DNAH14: variants seen among roughly 807,000 people sequenced by gnomAD.
DNAH14 encodes dynein axonemal heavy chain 14, also known as axonemal beta dynein heavy chain 14.
DNAH14 carries 478 observed loss-of-function variants against 520.9 expected under a neutral mutation model. The ratio of observed to expected loss-of-function variants is 0.92; its 90% CI spans 0.85 to 0.99. DNAH14 has a LOEUF of 0.99. Ranked by LOEUF, DNAH14 falls within the 50% of genes least tolerant of loss-of-function variation. The probability of loss-of-function intolerance (pLI) is 0.00; values close to 1 mark genes in which losing one functional copy is unlikely to be tolerated. For synonymous variants in DNAH14, 1,581 were observed against 1,757.2 expected (o/e 0.90, Z 2.51); for missense variants, 4,831 against 5,234.5 (o/e 0.92, Z 2.38).
intron 26 of DNAH14, among the ~76,000 whole-genome samples, chr1:225,122,726 T>G (rs1290061511): frequency 1.3e-5 from 2 of 152,222 alleles, no homozygotes. Flanking sequence ...ACACTGATAC[T>G]GCTTTGAAAT....
intron 8 of DNAH14, among the ~76,000 whole-genome samples, chr1:224,993,672 T>C (rs2125776134): frequency 6.6e-6 from 1 of 152,088 alleles, no homozygotes; most frequent in East Asian, 1.9e-4. Flanking sequence ...TTTTCTAGAC[T>C]CTATTTTATT....
intron 29 of DNAH14, among the ~76,000 whole-genome samples, chr1:225,145,120 A>G (rs764331273): frequency 2.0e-5 from 3 of 152,240 alleles, no homozygotes; most frequent in Non-Finnish European, 4.4e-5. Context: ...TTAATGCTCT[A>G]TAAACTAATC....
At chr1:225,303,956 T>C (rs2094189338) in intron 57 of DNAH14, among the ~76,000 whole-genome samples, 1 of 151,966 alleles carries the variant, frequency 6.6e-6, no homozygotes, top group African/African-American at 2.4e-5. Context: ...TCCTTACTTG[T>C]CTAAGTGATC....
rs564907320 is a variant in DNAH14, at chr1:225,104,165, C to A, written c.3867+3281C>A. Among the ~76,000 whole-genome samples, 8 of 151,694 alleles carry A rather than the reference C, an allele frequency of 5.3e-5. No individual in the cohort carries two copies. The South Asian group carries it at 1.7e-3, about 32-fold the overall frequency. ...AGATAATCATATGGTTTTTGTCGTT[C>A]TGTTTATATGCTGGATTATGTTTAT... On this transcript the variant is annotated intron_variant, in intron 23 of 85. Transcript: ENST00000682510.
At chr1:225,349,529 AC>A in intron 71 of DNAH14, among the ~76,000 whole-genome samples, 1 of 152,202 alleles carries the variant, frequency 6.6e-6, no homozygotes, top group East Asian at 1.9e-4. Context: ...AATTTAAAAA[AC>A]AGTATCCAAC....
intron 36 of DNAH14, among the ~76,000 whole-genome samples, chr1:225,175,877 G>A (rs751103687): frequency 1.6e-4 from 25 of 151,920 alleles, no homozygotes; most frequent in Admixed American, 1.4e-3. Flanking sequence ...TCCTGCCTCA[G>A]CCTCCTGAGT....
In DNAH14 at chr1:225,333,315, C is replaced by T; in HGVS notation, c.9889C>T (p.Gln3297Ter). 6.4e-7 allele frequency: 1 copy of T among 1,551,316 alleles called. No homozygotes were observed. The highest frequency in any genetic ancestry group is 8.7e-7 in the Non-Finnish European group (1 of 1,146,698). Residue 3297 changes from glutamine (Q) to a stop codon, truncating the protein, a stop_gained, in exon 66 of 86, where the codon CAA becomes TAA. Coordinates refer to ENST00000682510, the MANE Select transcript of DNAH14 (RefSeq NM_001367479.1). LOFTEE classifies it high-confidence loss of function. ...EKTRWQETIN[Q>*]IDNKLEGILG... ...GACTCGATGGCAAGAAACAATCAAT[C>T]AAATAGATAACAAATTAGAAGGAAT...
intron 41 of DNAH14, among the ~76,000 whole-genome samples, chr1:225,230,679 C>T (rs916907592): frequency 6.6e-6 from 1 of 152,004 alleles, no homozygotes; most frequent in African/African-American, 2.4e-5. Context: ...TGAAAGCATG[C>T]AGCTTCTTTT....
At chr1:224,958,064 A>C (rs75978600) in intron 3 of DNAH14, among the ~76,000 whole-genome samples, 1 of 152,266 alleles carries the variant, frequency 6.6e-6, no homozygotes, top group East Asian at 1.9e-4. Context: ...TCAGGAGGAC[A>C]GGAGGGAAAG....
chr1:225,348,273 A>T (rs903380698), intron 71 of DNAH14, among the ~76,000 whole-genome samples: 1 of 148,446 alleles, frequency 6.7e-6, no homozygotes, highest in South Asian at 2.1e-4. Context: ...GCACTCCCAG[A>T]AGAAGAAAAA....
intron 25 of DNAH14, among the ~76,000 whole-genome samples, chr1:225,118,815 G>A (rs575305529): frequency 7.8e-4 from 118 of 150,668 alleles, no homozygotes; most frequent in African/African-American, 2.9e-3. Context: ...CCCAGGAGGT[G>A]GAGGTTGCAG....
chr1:225,314,560 T>C (rs1482030475), intron 60 of DNAH14, among the ~76,000 whole-genome samples: 2 of 152,258 alleles, frequency 1.3e-5, no homozygotes, highest in African/African-American at 4.8e-5. Flanking sequence ...GGTATGTTTT[T>C]GCAGTGGCTG....
intron 9 of DNAH14, among the ~76,000 whole-genome samples, chr1:225,005,393 G>A (rs1311709810): frequency 6.6e-6 from 1 of 152,042 alleles, no homozygotes; most frequent in Non-Finnish European, 1.5e-5. Context: ...TTTTGAACAT[G>A]GTATTTTAGG....
At chr1:225,354,251 C>T in intron 73 of DNAH14, 2 of 701,950 alleles carry the variant, frequency 2.8e-6, no homozygotes, top group South Asian at 3.0e-5. Flanking sequence ...AGGCCAATGG[C>T]TGACCAGCAC....
chr1:225,036,418 A>C (rs2066966007), intron 11 of DNAH14, among the ~76,000 whole-genome samples: 1 of 152,146 alleles, frequency 6.6e-6, no homozygotes, highest in African/African-American at 2.4e-5. Context: ...TACAGGCCTA[A>C]GCCACCACGC....
intron 11 of DNAH14, among the ~76,000 whole-genome samples, chr1:225,025,233 G>T (rs1454868199): frequency 1.3e-5 from 2 of 151,976 alleles, no homozygotes; most frequent in Non-Finnish European, 2.9e-5. Context: ...TTGGGAGGCT[G>T]ATGTGGGAGG....
At chr1:225,269,694 G>T (rs1168021583) in intron 49 of DNAH14, among the ~76,000 whole-genome samples, 1 of 152,196 alleles carries the variant, frequency 6.6e-6, no homozygotes, top group Non-Finnish European at 1.5e-5. Flanking sequence ...CTTCACAAAA[G>T]AAGACATTTA....
At chr1:225,368,256 A>G (rs2095577072) in intron 77 of DNAH14, among the ~76,000 whole-genome samples, 1 of 152,184 alleles carries the variant, frequency 6.6e-6, no homozygotes, top group South Asian at 2.1e-4. Flanking sequence ...TACGTAATCT[A>G]TTGGGCAAAC....
At chr1:225,395,665 T>G (rs1294351961) in intron 84 of DNAH14, 1 of 152,280 alleles carries the variant, frequency 6.6e-6, no homozygotes, top group East Asian at 1.9e-4. Flanking sequence ...TAGTTTTTAT[T>G]GTGCATATTA....
Sources: gnomAD v4.1 joint callset for allele counts (sites outside exome capture counted in the v4.1 genomes callset) on GRCh38, gnomAD v4.1.1 for gene constraint, MANE v1.5 for transcripts, NCBI Gene and HGNC (gene_info 2026-07-23, HGNC 2026-07-21) for gene names.